RSU1: variants seen among roughly 807,000 people sequenced by gnomAD.
The protein encoded by RSU1 is Ras suppressor protein 1.
A neutral mutation model predicts 31.1 loss-of-function variants in RSU1; 26 were observed. That is an observed-to-expected ratio of 0.84 (90% CI 0.61 to 1.16). The LOEUF (loss-of-function observed/expected upper bound fraction) is 1.16, where lower values mean the gene tolerates loss of function less well. Ranked by LOEUF, RSU1 falls within the 50% of genes most tolerant of loss-of-function variation. RSU1 has a pLI of 0.00. For synonymous variants in RSU1, 164 were observed against 136.3 expected (o/e 1.20, Z -1.41); for missense variants, 320 against 339.1 (o/e 0.94, Z 0.44).
chr10:16,664,311 G>A (rs11254135), intron 8 of RSU1, among the ~76,000 whole-genome samples: 9,470 of 152,168 alleles, frequency 0.062, 789 homozygotes, highest in African/African-American at 0.19. Flanking sequence ...CTGCTCACAC[G>A]CACTGATGAT....
chr10:16,810,879 G>A (rs1274847794), intron 2 of RSU1, among the ~76,000 whole-genome samples: 20 of 151,938 alleles, frequency 1.3e-4, no homozygotes, highest in Admixed American at 1.3e-3. Flanking sequence ...AAAATTTGCC[G>A]GCAGTGGTGG....
intron 7 of RSU1, among the ~76,000 whole-genome samples, chr10:16,750,821 T>G (rs771130778): frequency 2.6e-5 from 4 of 151,998 alleles, no homozygotes; most frequent in Non-Finnish European, 5.9e-5. Context: ...AGCTATTACT[T>G]ATGCTAACAT....
chr10:16,592,421 T>TGATTGTTTA lies in RSU1; in HGVS notation c.*964_*972dup, dbSNP rs1833523336. ...CTATCACAGATGTTAAACAAACAAT[T>TGATTGTTTA]GATTGTTTAATGACTCTGCAACTGT... On this transcript the variant is annotated 3_prime_UTR_variant, in exon 9 of 9. Transcript: ENST00000345264. 6.6e-6 allele frequency: 1 copy of TGATTGTTTA among 151,496 alleles called. No homozygotes were observed. The highest frequency in any genetic ancestry group is 6.6e-5 in the Admixed American group (1 of 15,180). The allele number at this position is 151,496 out of a possible 1,614,324, so 9.4% of individuals were successfully genotyped here. A position where few individuals can be genotyped will look rare whatever the true frequency, so the allele number is the denominator to read the frequency against.
chr10:16,799,061 C>T (rs377208004), intron 2 of RSU1, among the ~76,000 whole-genome samples: 4 of 152,030 alleles, frequency 2.6e-5, no homozygotes, highest in East Asian at 3.8e-4. Context: ...ACTCCTAATG[C>T]GCATAAAAGA....
intron 8 of RSU1, among the ~76,000 whole-genome samples, chr10:16,630,705 TA>T (rs1441040758): frequency 6.6e-6 from 1 of 152,216 alleles, no homozygotes; most frequent in Non-Finnish European, 1.5e-5. Context: ...ATGATCCATT[TA>T]ATTGAAAATA....
chr10:16,801,170 T>C (rs1222678039), intron 2 of RSU1, among the ~76,000 whole-genome samples: 1 of 150,070 alleles, frequency 6.7e-6, no homozygotes, highest in Admixed American at 6.6e-5. Flanking sequence ...TAGATACAAC[T>C]AAATTAAAAG....
intron 8 of RSU1, among the ~76,000 whole-genome samples, chr10:16,625,262 C>G (rs926143958): frequency 1.3e-5 from 2 of 152,146 alleles, no homozygotes; most frequent in Non-Finnish European, 2.9e-5. Flanking sequence ...CTCTCCCAGT[C>G]ACCAACTGGG....
intron 4 of RSU1, among the ~76,000 whole-genome samples, chr10:16,755,405 G>C (rs930946042): frequency 6.6e-6 from 1 of 151,120 alleles, no homozygotes; most frequent in African/African-American, 2.4e-5. Flanking sequence ...TTACAGGCGT[G>C]AGCCCCCATG....
chr10:16,681,642 G>A (rs1588711943), intron 8 of RSU1, among the ~76,000 whole-genome samples: 1 of 152,216 alleles, frequency 6.6e-6, no homozygotes, highest in Non-Finnish European at 1.5e-5. Context: ...TTGCTGGGAC[G>A]ACCCTCAGAG....
intron 8 of RSU1, among the ~76,000 whole-genome samples, chr10:16,691,675 G>A (rs1180995080): frequency 4.7e-5 from 7 of 150,012 alleles, no homozygotes; most frequent in Admixed American, 2.0e-4. Context: ...GCTGGTCCCC[G>A]TGGAAAGGAG....
At chr10:16,631,331 G>T (rs1001425083) in intron 8 of RSU1, among the ~76,000 whole-genome samples, 21 of 152,288 alleles carry the variant, frequency 1.4e-4, no homozygotes, top group Non-Finnish European at 2.1e-4. Flanking sequence ...AGCCCAGGGC[G>T]CACTGGCACT....
At chr10:16,623,131 A>C (rs1834098459) in intron 8 of RSU1, among the ~76,000 whole-genome samples, 1 of 152,138 alleles carries the variant, frequency 6.6e-6, no homozygotes, top group South Asian at 2.1e-4. Flanking sequence ...TAATGAACCC[A>C]TTGACCATGT....
chr10:16,703,189 C>A (rs778037630), intron 7 of RSU1, among the ~76,000 whole-genome samples: 1 of 152,276 alleles, frequency 6.6e-6, no homozygotes, highest in Non-Finnish European at 1.5e-5. Context: ...GCTTCCTATA[C>A]GCCATGCAGA....
intron 7 of RSU1, among the ~76,000 whole-genome samples, chr10:16,713,502 A>G (rs1836065362): frequency 6.6e-6 from 1 of 151,746 alleles, no homozygotes; most frequent in Non-Finnish European, 1.5e-5. Context: ...TGCACTTTTT[A>G]TTTCATTCAT....
intron 7 of RSU1, among the ~76,000 whole-genome samples, chr10:16,714,350 G>C (rs944155190): frequency 2.2e-4 from 34 of 152,282 alleles, no homozygotes; most frequent in Middle Eastern, 3.4e-3. Flanking sequence ...AATGGGGTTG[G>C]GCAGCCTTGC....
intron 7 of RSU1, among the ~76,000 whole-genome samples, chr10:16,742,292 G>C (rs1158611516): frequency 6.6e-6 from 1 of 152,108 alleles, no homozygotes; most frequent in African/African-American, 2.4e-5. Flanking sequence ...TTCTGGAAAG[G>C]TCTAAATATA....
At chr10:16,811,709 C>T (rs1306096454) in intron 2 of RSU1, among the ~76,000 whole-genome samples, 1 of 152,156 alleles carries the variant, frequency 6.6e-6, no homozygotes, top group African/African-American at 2.4e-5. Flanking sequence ...GTTGTCAGTT[C>T]CATCTTGTTC....
chr10:16,739,307 A>C (rs890158044), intron 7 of RSU1, among the ~76,000 whole-genome samples: 6 of 151,878 alleles, frequency 4.0e-5, no homozygotes, highest in Non-Finnish European at 7.4e-5. Flanking sequence ...AGAATGGTTG[A>C]ACTAATTTAT....
Position 16,601,670 on chromosome 10 carries a change from G to A in RSU1, c.732-8174C>T, listed in dbSNP as rs548959272. On this transcript the variant is annotated intron_variant, in intron 8 of 8. Transcript: ENST00000345264. ...ACAGCAACCTCTGGCCCCTGGATGG[G>A]GTACCTAGCCTGGCACCTGGCATGG... is the stretch of plus-strand genomic sequence containing the variant. Among the ~76,000 whole-genome samples, 93 of 152,284 alleles carry A rather than the reference G, an allele frequency of 6.1e-4. 2 individuals are homozygous for A. The highest frequency in any genetic ancestry group is 3.4e-3 in the Middle Eastern group (1 of 294).
Sources: gnomAD v4.1 joint callset for allele counts (sites outside exome capture counted in the v4.1 genomes callset) on GRCh38, gnomAD v4.1.1 for gene constraint, MANE v1.5 for transcripts, NCBI Gene and HGNC (gene_info 2026-07-23, HGNC 2026-07-21) for gene names.